ELAVL4: variants seen among roughly 807,000 people sequenced by gnomAD.
ELAVL4 encodes ELAV like RNA binding protein 4.
Under a neutral mutation model 35.6 loss-of-function variants are expected in ELAVL4, and 1 was observed. The observed-to-expected ratio is 0.03, with a 90% CI of 0.01 to 0.13. The LOEUF is 0.13. ELAVL4 is among the 10% of genes least tolerant of loss of function. The pLI, the probability that ELAVL4 is intolerant of heterozygous loss-of-function variation, is 1.00. For missense variants in ELAVL4, 267 were observed against 464.9 expected (o/e 0.57, Z 3.91); for synonymous variants, 156 against 171.0 (o/e 0.91, Z 0.69).
chr1:50,201,401 A>C lies in ELAVL4; in HGVS notation c.*223A>C, dbSNP rs987693672. 7 of 362,500 alleles carry C rather than the reference A, an allele frequency of 1.9e-5. No individual in the cohort carries two copies. Among genetic ancestry groups the C allele is most frequent in the African/African-American group, 1.1e-4 (5 of 47,178 alleles). 22.5% of individuals were successfully genotyped at this position (362,500 alleles called of 1,614,324 possible). ...TGCTTAGAAAAAAAGAAAAAAAAAA[A>C]ACAAAAAATACCTTTGATGCATTGA... On this transcript the variant is annotated 3_prime_UTR_variant, in exon 7 of 7. Transcript: ENST00000371824. This position sits in a 1 kb window ranked among gnomAD's most constrained non-coding sequence, Gnocchi z 4.3.
At chr1:50,191,483 T>C (rs1333439315) in intron 3 of ELAVL4, among the ~76,000 whole-genome samples, 1 of 151,946 alleles carries the variant, frequency 6.6e-6, no homozygotes, top group African/African-American at 2.4e-5. Context: ...GAGCTGTGGG[T>C]GTTTATTCAT....
At chr1:50,147,469 AGAG>A (rs965600215) in intron 2 of ELAVL4, among the ~76,000 whole-genome samples, 6 of 152,198 alleles carry the variant, frequency 3.9e-5, no homozygotes, top group Admixed American at 3.9e-4. Context: ...GCTAAAAGTC[AGAG>A]AAGGAGGGAG....
intron 1 of ELAVL4, among the ~76,000 whole-genome samples, chr1:50,059,713 G>T (rs1482893241): frequency 6.6e-6 from 1 of 151,788 alleles, no homozygotes; most frequent in Non-Finnish European, 1.5e-5. Context: ...CAGCCCAGAT[G>T]TCCATGAATG....
At chr1:50,086,290 T>C (rs1665237786) in intron 1 of ELAVL4, among the ~76,000 whole-genome samples, 1 of 152,042 alleles carries the variant, frequency 6.6e-6, no homozygotes, top group Admixed American at 6.6e-5. Context: ...GCTTAGAAGG[T>C]CCTTTCTACT....
chr1:50,106,675 C>A (rs549183828), upstream of ELAVL4, among the ~76,000 whole-genome samples: 1 of 152,130 alleles, frequency 6.6e-6, no homozygotes, highest in Non-Finnish European at 1.5e-5. Flanking sequence ...CTTTTCCCAA[C>A]AATAGGATTC....
intron 4 of ELAVL4, 92 bp from the exon 5 acceptor site, chr1:50,195,469 C>T (rs940148802): frequency 2.1e-6 from 3 of 1,443,510 alleles, no homozygotes; most frequent in African/African-American, 1.4e-5. Context: ...GGGCTTACTC[C>T]TCACACAATA....
intron 3 of ELAVL4, among the ~76,000 whole-genome samples, chr1:50,184,005 C>T (rs1168050387): frequency 1.3e-5 from 2 of 152,114 alleles, no homozygotes; most frequent in Non-Finnish European, 2.9e-5. Flanking sequence ...TCACTGAATC[C>T]CCAGGGAGCC....
Position 50,148,490 on chromosome 1 carries a change from A to G in ELAVL4, c.250+3293A>G, listed in dbSNP as rs1438165395. ...CAAATTTACTGAAAATGCCAGTTTTAAGATACCTTGCTTTTGGACATCTCT... is the reference window on the plus strand; with the variant it reads ...CAAATTTACTGAAAATGCCAGTTTTGAGATACCTTGCTTTTGGACATCTCT... On this transcript the variant is annotated intron_variant, in intron 2 of 6. Transcript: ENST00000371824. 1.9e-4 allele frequency among the ~76,000 whole-genome samples: 29 copies of G among 152,248 alleles called. 2 individuals are homozygous for G. The highest frequency in any genetic ancestry group is 1.9e-3 in the Admixed American group (29 of 15,284).
At chr1:50,093,768 CA>C (rs1464856678) in intron 1 of ELAVL4, among the ~76,000 whole-genome samples, 1 of 152,150 alleles carries the variant, frequency 6.6e-6, no homozygotes, top group African/African-American at 2.4e-5. Flanking sequence ...TAAGTATGAA[CA>C]AAACGTGGTC....
chr1:50,072,204 ATG>A (rs1310411534), intron 1 of ELAVL4, among the ~76,000 whole-genome samples: 2 of 152,198 alleles, frequency 1.3e-5, no homozygotes, highest in South Asian at 4.1e-4. Context: ...CCTGAAGTAA[ATG>A]AATAAATAAA....
intron 1 of ELAVL4, among the ~76,000 whole-genome samples, chr1:50,087,646 GTA>G (rs1437959151): frequency 6.6e-6 from 1 of 152,180 alleles, no homozygotes; most frequent in Non-Finnish European, 1.5e-5. Flanking sequence ...TGATGTGACT[GTA>G]TTTGGACATA....
At chr1:50,122,552 A>C (rs1669211782) in intron 1 of ELAVL4, among the ~76,000 whole-genome samples, 1 of 152,124 alleles carries the variant, frequency 6.6e-6, no homozygotes. Flanking sequence ...TCTTACCTGC[A>C]ATGTGGGCAG....
intron 1 of ELAVL4, among the ~76,000 whole-genome samples, chr1:50,125,848 G>A (rs1669815895): frequency 6.6e-6 from 1 of 152,016 alleles, no homozygotes; most frequent in Non-Finnish European, 1.5e-5. Context: ...GGGCATCTTA[G>A]GAGTCTGCAA....
intron 2 of ELAVL4, among the ~76,000 whole-genome samples, chr1:50,152,371 A>G (rs1674946164): frequency 6.6e-6 from 1 of 152,034 alleles, no homozygotes; most frequent in Non-Finnish European, 1.5e-5. Context: ...TTGGTTCGTA[A>G]GACCAATTCC....
Position 50,201,222 on chromosome 1 carries a change from G to A in ELAVL4, c.*44G>A, listed in dbSNP as rs773950812. The A allele has an allele frequency of 8.8e-5, 131 of 1,493,624 alleles. No individual in the cohort carries two copies. The highest frequency in any genetic ancestry group is 1.6e-4 in the Admixed American group (7 of 42,928). 92.5% of individuals were successfully genotyped at this position (1,493,624 alleles called of 1,614,324 possible). A position where few individuals can be genotyped will look rare whatever the true frequency, so the allele number is the denominator to read the frequency against. ...CTAAAATATATATAGAAATATATAC[G>A]AACAAAACACACGCGCGCACACACA... On this transcript the variant is annotated 3_prime_UTR_variant, in exon 7 of 7. Coordinates refer to ENST00000371824, the MANE Select transcript of ELAVL4 (RefSeq NM_001144774.3). The surrounding 1 kb of genome is among the most constrained non-coding windows in gnomAD (Gnocchi z 4.3).
At chr1:50,179,735 C>G (rs952615427) in intron 3 of ELAVL4, 1 of 152,198 alleles carries the variant, frequency 6.6e-6, no homozygotes, top group African/African-American at 2.4e-5. Flanking sequence ...ATTTCCCCCT[C>G]CTTTTCAAAT....
chr1:50,133,651 G>GAAAGAA (rs1386510703), intron 1 of ELAVL4, among the ~76,000 whole-genome samples: 1 of 91,878 alleles, frequency 1.1e-5, no homozygotes, highest in Non-Finnish European at 2.5e-5. Flanking sequence ...AAGAAAGAAA[G>GAAAGAA]AGAAAGAAAG....
At chr1:50,113,786 A>G (rs1416155636) in intron 1 of ELAVL4, among the ~76,000 whole-genome samples, 1 of 152,056 alleles carries the variant, frequency 6.6e-6, no homozygotes, top group Non-Finnish European at 1.5e-5. Context: ...CATCCATGTA[A>G]TGTATATGTG....
At chr1:50,048,681 C>CT (rs1663199016) in intron 1 of ELAVL4, among the ~76,000 whole-genome samples, 1 of 152,200 alleles carries the variant, frequency 6.6e-6, no homozygotes, top group Non-Finnish European at 1.5e-5. Flanking sequence ...CTCTGTGTGA[C>CT]TTTCGCTAAT....
Sources: allele counts gnomAD v4.1 joint callset (sites outside exome capture counted in the v4.1 genomes callset), GRCh38; gene constraint gnomAD v4.1.1; non-coding constraint Gnocchi (gnomAD v3.1); transcripts MANE v1.5; gene names NCBI Gene and HGNC (gene_info 2026-07-23, HGNC 2026-07-21).